The following USP32 variants were observed in gnomAD, a reference collection of about 807,000 sequenced individuals.
The protein encoded by USP32 is ubiquitin specific peptidase 32.
Under a neutral mutation model 204.8 loss-of-function variants are expected in USP32, and 59 were observed. The observed-to-expected ratio is 0.29, with a 90% confidence interval of 0.23 to 0.36. The LOEUF (loss-of-function observed/expected upper bound fraction) is 0.36, where lower values mean the gene tolerates loss of function less well. USP32 is among the 10% of genes least tolerant of loss of function. The probability of loss-of-function intolerance (pLI) is 1.00; values close to 1 mark genes in which losing one functional copy is unlikely to be tolerated. For missense variants in USP32, 1,160 were observed against 1,946.4 expected (o/e 0.60, Z 7.60); for synonymous variants, 517 against 678.4 (o/e 0.76, Z 3.70).
At chr17:60,201,041 A>G (rs1378378342) in intron 26 of USP32, among the ~76,000 whole-genome samples, 1 of 152,060 alleles carries the variant, frequency 6.6e-6, no homozygotes, top group African/African-American at 2.4e-5. Flanking sequence ...TATTTTCTGT[A>G]GAGATGGGGT....
At chr17:60,199,522 A>G (rs1456286960) in intron 26 of USP32, among the ~76,000 whole-genome samples, 1 of 152,226 alleles carries the variant, frequency 6.6e-6, no homozygotes, top group Non-Finnish European at 1.5e-5. Flanking sequence ...ACCTTTGAAC[A>G]TTTAATTCCC....
intron 2 of USP32, among the ~76,000 whole-genome samples, chr17:60,324,583 T>C (rs754964725): frequency 1.3e-5 from 2 of 152,196 alleles, no homozygotes; most frequent in African/African-American, 4.8e-5. Context: ...TTTGATACTT[T>C]ATCTTTTCTT....
intron 1 of USP32, among the ~76,000 whole-genome samples, chr17:60,356,914 GA>G (rs2089092804): frequency 2.0e-5 from 3 of 151,946 alleles, no homozygotes; most frequent in African/African-American, 7.3e-5. Context: ...CATGCCTAAT[GA>G]CTTCAAGTAT....
chr17:60,315,565 A>G (rs964113715), intron 2 of USP32, among the ~76,000 whole-genome samples: 5 of 152,218 alleles, frequency 3.3e-5, no homozygotes, highest in Non-Finnish European at 7.3e-5. Flanking sequence ...TTACCATATG[A>G]CCTGACAATT....
upstream of USP32, among the ~76,000 whole-genome samples, chr17:60,396,480 C>A (rs574752745): frequency 6.6e-6 from 1 of 152,118 alleles, no homozygotes. Flanking sequence ...ACTAAAAATA[C>A]GTCATTCTCT....
chr17:60,315,598 CAG>C (rs1412536573), intron 2 of USP32, among the ~76,000 whole-genome samples: 1 of 151,844 alleles, frequency 6.6e-6, no homozygotes, highest in Non-Finnish European at 1.5e-5. Context: ...GAATTGAAAA[CAG>C]AGATTCAAAC....
chr17:60,264,881 A>AAAAAAAAAAAG (rs1555604168), intron 9 of USP32, among the ~76,000 whole-genome samples: 1 of 141,658 alleles, frequency 7.1e-6, no homozygotes, highest in African/African-American at 2.8e-5. Flanking sequence ...AAAAAAAAAA[A>AAAAAAAAAAAG]AGAGAGAGAG....
chr17:60,294,670 T>A lies in USP32; in HGVS notation c.411+13A>T. On this transcript the variant is annotated intron_variant, in intron 4 of 33. Coordinates refer to ENST00000300896, the MANE Select transcript of USP32 (RefSeq NM_032582.4). ...TCAATGAAAAGGGATAAAATGTAAA[T>A]CTTTAACTATACCTCTGAGAAACAC... is the stretch of plus-strand genomic sequence containing the variant. 6.5e-7 allele frequency: 1 copy of A among 1,548,454 alleles called. No individual in the cohort carries two copies. The highest frequency in any genetic ancestry group is 8.9e-7 in the Non-Finnish European group (1 of 1,128,784).
At chr17:60,198,950 T>C (rs1407621386) in intron 26 of USP32, among the ~76,000 whole-genome samples, 1 of 151,988 alleles carries the variant, frequency 6.6e-6, no homozygotes, top group Non-Finnish European at 1.5e-5. Context: ...CCTATCTCTA[T>C]AAAGAAATAA....
upstream of USP32, among the ~76,000 whole-genome samples, chr17:60,395,245 T>G (rs1379533945): frequency 6.6e-6 from 1 of 152,212 alleles, no homozygotes. Flanking sequence ...GATTTCCTCT[T>G]TAAGTTTCAG....
chr17:60,391,057 G>C (rs2089825658), intron 1 of USP32, among the ~76,000 whole-genome samples: 1 of 152,194 alleles, frequency 6.6e-6, no homozygotes, highest in African/African-American at 2.4e-5. Flanking sequence ...GTGCCTCAGA[G>C]CCAATAAGCA....
intron 10 of USP32, 151 bp from the exon 11 acceptor site, chr17:60,252,593 GC>G: frequency 1.7e-6 from 1 of 571,798 alleles, no homozygotes. Context: ...TTTAACTTTA[GC>G]CTTGTGGTTT....
At chr17:60,274,879 C>A (rs2086804646) in intron 5 of USP32, among the ~76,000 whole-genome samples, 1 of 152,186 alleles carries the variant, frequency 6.6e-6, no homozygotes, top group Admixed American at 6.5e-5. Flanking sequence ...CTTACACCCA[C>A]AACTCCTTCA....
At position 60,270,614 on chromosome 17, in the gene USP32, G is replaced by A. The variant is rs536375023; in HGVS notation, c.703+736C>T. Among the ~76,000 whole-genome samples, 27 of 152,082 alleles carry A rather than the reference G, an allele frequency of 1.8e-4. 1 individual carries two copies. In the East Asian group the frequency reaches 4.4e-3, roughly 25 times the overall value. On this transcript the variant is annotated intron_variant, in intron 6 of 33. Transcript: ENST00000300896. The stretch of plus-strand genomic sequence containing the variant: ...TGAGGTGGGCAGATCACCTGAGATC[G>A]GGGATTCAAGACCAGCCTGACCAAT...
At position 60,179,333 on chromosome 17, in the gene USP32, A is replaced by G; in HGVS notation, c.4737T>C (p.Asp1579=). ...IDYAQFLPKT[D]GKKMADTSSM... ...TGCTTGTGTCTGCCATCTTTTTGCC[A>G]TCAGTCTTTGGCAGAAATTGTGCAT... The change falls in exon 34 of 34, where the codon GAT becomes GAC. Residue 1579 remains aspartate (D), a synonymous_variant. Coordinates refer to ENST00000300896, the MANE Select transcript of USP32 (RefSeq NM_032582.4). 1.2e-6 allele frequency: 2 copies of G among 1,613,904 alleles called. No individual in the cohort carries two copies. Among genetic ancestry groups the G allele is most frequent in the Non-Finnish European group, 1.7e-6 (2 of 1,179,860 alleles).
At chr17:60,388,634 A>C (rs1330380118) in intron 1 of USP32, among the ~76,000 whole-genome samples, 1 of 152,204 alleles carries the variant, frequency 6.6e-6, no homozygotes, top group Non-Finnish European at 1.5e-5. Context: ...CACGCAATAT[A>C]AACAAGAGTC....
intron 26 of USP32, among the ~76,000 whole-genome samples, chr17:60,205,047 C>A (rs2084787993): frequency 6.6e-6 from 1 of 151,966 alleles, no homozygotes; most frequent in Non-Finnish European, 1.5e-5. Flanking sequence ...CCTGCTTCAG[C>A]CTCCCAAAGT....
At chr17:60,372,097 C>T (rs1248961892) in intron 1 of USP32, among the ~76,000 whole-genome samples, 1 of 152,046 alleles carries the variant, frequency 6.6e-6, no homozygotes, top group African/African-American at 2.4e-5. Context: ...AAGGGAGAGA[C>T]AACTAAATTC....
At chr17:60,213,806 A>G in intron 17 of USP32, 144 bp from the exon 18 acceptor site, 1 of 779,032 alleles carries the variant, frequency 1.3e-6, no homozygotes, top group South Asian at 2.3e-5. Context: ...ATAGTTGTTC[A>G]TAAATATTTA....
Sources: allele counts gnomAD v4.1 joint callset (sites outside exome capture counted in the v4.1 genomes callset), GRCh38; gene constraint gnomAD v4.1.1; transcripts MANE v1.5; gene names NCBI Gene and HGNC (gene_info 2026-07-23, HGNC 2026-07-21).